Variants in SAFB2 observed in about 807,000 individuals in gnomAD.
SAFB2 encodes scaffold attachment factor B2.
A neutral mutation model predicts 100.6 loss-of-function variants in SAFB2; 32 were observed. The observed-to-expected ratio is 0.32, with a 90% confidence interval of 0.24 to 0.43. The LOEUF is 0.43. Among genes scored for constraint, SAFB2 ranks in the 20% least tolerant of loss-of-function variants. The probability of loss-of-function intolerance (pLI) is 1.00; values close to 1 mark genes in which losing one functional copy is unlikely to be tolerated. For missense variants in SAFB2, 1,185 were observed against 1,163.4 expected, an observed-to-expected ratio of 1.02 and a Z score of -0.27; for synonymous variants, 500 against 439.4, an observed-to-expected ratio of 1.14 and a Z score of -1.72.
At chr19:5,602,479 CAAAAAAAAAAAAAA>C (rs35472223) in intron 11 of SAFB2, among the ~76,000 whole-genome samples, 1 of 39,532 alleles carries the variant, frequency 2.5e-5, no homozygotes, top group Non-Finnish European at 4.4e-5. Context: ...GACTCTGTCT[CAAAAAAAAAAAAAA>C]AAAAAAAAAA....
At chr19:5,620,833 C>A (rs1336688465) in intron 2 of SAFB2, among the ~76,000 whole-genome samples, 1 of 152,166 alleles carries the variant, frequency 6.6e-6, no homozygotes, top group Non-Finnish European at 1.5e-5. Flanking sequence ...GTGAATTAAA[C>A]CTTCACATTC....
intron 5 of SAFB2, among the ~76,000 whole-genome samples, chr19:5,613,001 C>T (rs2052942086): frequency 6.6e-6 from 1 of 152,264 alleles, no homozygotes; most frequent in African/African-American, 2.4e-5. Context: ...CCTTTTCCGA[C>T]ATCTGTCTCA....
intron 2 of SAFB2, 104 bp downstream of exon 2, chr19:5,621,205 G>A (rs187189826): frequency 3.8e-6 from 3 of 779,812 alleles, no homozygotes; most frequent in Admixed American, 3.5e-5. Context: ...GGGACACCGA[G>A]TACCAGAGAA....
chr19:5,604,644 C>T lies in SAFB2; in HGVS notation c.1498G>A (p.Val500Met), dbSNP rs2145339023. The change falls in exon 11 of 21, where the codon GTG becomes ATG. Residue 500 changes from valine to methionine, a missense_variant. By Grantham distance (21) the Val-to-Met change is conservative (BLOSUM62 1). This residue lies in a region of SAFB2 where 740 missense variants were observed against 687.1 expected (regional missense o/e 1.08). Coordinates refer to ENST00000252542, the MANE Select transcript of SAFB2 (RefSeq NM_014649.3). ...ACACTCGATAATTTTTCCTTCTTCA[C>T]TTCGCACTCTTTTCTGTCGGAAAGC... ...KKLSDRKECE[V>M]KKEKLSSVDR... 6.2e-7 allele frequency: 1 copy of T among 1,614,222 alleles called. No homozygotes were observed. The highest frequency in any genetic ancestry group is 8.5e-7 in the Non-Finnish European group (1 of 1,180,034).
At chr19:5,606,236 C>T (rs1479142512) in intron 9 of SAFB2, among the ~76,000 whole-genome samples, 2 of 152,196 alleles carry the variant, frequency 1.3e-5, no homozygotes, top group African/African-American at 4.8e-5. Context: ...GTGTCCAGTA[C>T]CTCAGCTGTG....
rs770776818 is a variant in SAFB2 at position 5,587,292 on chromosome 19, T to G, written c.2813A>C (p.His938Pro). Residue 938 changes from histidine (H) to proline (P), a missense_variant, in exon 21 of 21, where the codon CAC becomes CCC. Around this residue, in one of 3 missense-constraint regions of SAFB2, gnomAD observed 740 missense variants for 687.1 expected, o/e 1.08. Coordinates refer to ENST00000252542, the MANE Select transcript of SAFB2 (RefSeq NM_014649.3). This position sits in a 1 kb window ranked among gnomAD's most constrained non-coding sequence, Gnocchi z 4.9. ...ASQDRGSRVP[H>P]PHPHPPPYPH... ...GTACGGGGGGGGATGAGGGTGTGGG[T>G]GAGGGACTCTGCTGCCCCGGTCCTG... is the stretch of plus-strand genomic sequence containing the variant. 5.0e-6 allele frequency: 8 copies of G among 1,609,344 alleles called. No homozygotes were observed. The East Asian group carries it at 1.8e-4, about 36-fold the overall frequency.
Position 5,617,086 on chromosome 19 carries a change from A to G in SAFB2, c.275-600T>C, listed in dbSNP as rs377291783. The stretch of plus-strand genomic sequence containing the variant: ...AAAAACACTCCAAACCTAAGAAAAA[A>G]AATCACAAAAAAATGAGCAAAGGAT... On this transcript the variant is annotated intron_variant, in intron 2 of 20. Transcript: ENST00000252542. 1.8e-3 allele frequency among the ~76,000 whole-genome samples: 276 copies of G among 152,326 alleles called. 1 individual carries two copies. The highest frequency in any genetic ancestry group is 0.01 in the Middle Eastern group (3 of 294).
chr19:5,603,714 G>T (rs566930044), intron 11 of SAFB2, among the ~76,000 whole-genome samples: 1 of 151,982 alleles, frequency 6.6e-6, no homozygotes, highest in African/African-American at 2.4e-5. Flanking sequence ...TCACAGGGTG[G>T]CACTGTGAAC....
rs2052475669 is a variant in SAFB2 at position 5,593,945 on chromosome 19, TGCTCCTGCTGGCGCCGCA to T, written c.2135_2152del (p.Leu712_Glu717del). ...CCGCCGCTCCTGCTCGTAACGCAGC[TGCTCCTGCTGGCGCCGCA>T]GCTCCTCGCGCTCGCGGTGGATGCG... On this transcript the variant is annotated inframe_deletion, in exon 15 of 21. Coordinates refer to ENST00000252542, the MANE Select transcript of SAFB2 (RefSeq NM_014649.3). 1 of 1,555,816 alleles carries T rather than the reference TGCTCCTGCTGGCGCCGCA, an allele frequency of 6.4e-7. No individual in the cohort carries two copies. The highest frequency in any genetic ancestry group is 1.4e-5 in the African/African-American group (1 of 72,726).
chr19:5,616,643 CTTTTTTTTTTTT>C (rs60033130), intron 2 of SAFB2, among the ~76,000 whole-genome samples, 157 bp from the exon 3 acceptor site: 35 of 72,814 alleles, frequency 4.8e-4, no homozygotes, highest in African/African-American at 1.8e-3. Context: ...AATTTGTTTT[CTTTTTTTTTTTT>C]TTTTTTTTTT....
chr19:5,602,691 C>A (rs1470135577), intron 11 of SAFB2, among the ~76,000 whole-genome samples: 1 of 152,024 alleles, frequency 6.6e-6, no homozygotes, highest in Non-Finnish European at 1.5e-5. Flanking sequence ...CTGCTGCATT[C>A]CCAGTGCTGG....
chr19:5,593,931 G>T lies in SAFB2; in HGVS notation c.2167C>A (p.Gln723Lys). The T allele has an allele frequency of 6.5e-7, 1 of 1,547,894 alleles. No individual in the cohort carries two copies. Among genetic ancestry groups the T allele is most frequent in the Non-Finnish European group, 8.6e-7 (1 of 1,157,552 alleles). The change falls in exon 15 of 21, where the codon CAG (glutamine) becomes AAG (lysine). Residue 723 changes from glutamine to lysine, a missense_variant. Physicochemically the swap from Gln to Lys is moderately conservative, Grantham distance 53 (BLOSUM62 1). Around this residue, in one of 3 missense-constraint regions of SAFB2, gnomAD observed 740 missense variants for 687.1 expected, o/e 1.08. Transcript: ENST00000252542. ...GGCCTCCGCCCGGGCCGCCGCTCCT[G>T]CTCGTAACGCAGCTGCTCCTGCTGG... ...RRQQEQLRYEQERRPGRRPYD... is the reference protein window; with the variant it reads ...RRQQEQLRYEKERRPGRRPYD...
chr19:5,600,665 A>G (rs187503245), intron 11 of SAFB2, among the ~76,000 whole-genome samples: 2 of 152,338 alleles, frequency 1.3e-5, no homozygotes, highest in African/African-American at 4.8e-5. Context: ...TTTCTTCCCA[A>G]TACAGCCTCA....
intron 13 of SAFB2, among the ~76,000 whole-genome samples, chr19:5,597,337 G>A (rs1425574241): frequency 1.3e-5 from 2 of 152,106 alleles, no homozygotes; most frequent in South Asian, 2.1e-4. Context: ...AGATCAAGGC[G>A]AGAGAATCAC....
intron 9 of SAFB2, among the ~76,000 whole-genome samples, chr19:5,608,461 G>T (rs2052825619): frequency 6.6e-6 from 1 of 152,170 alleles, no homozygotes; most frequent in African/African-American, 2.4e-5. Context: ...GTTATTCATG[G>T]CTATAAGAAT....
In SAFB2 at chr19:5,587,726, T is replaced by C. The variant is rs771915355; in HGVS notation, c.2680A>G (p.Met894Val). 11 of 1,552,144 alleles carry C rather than the reference T, an allele frequency of 7.1e-6. No homozygotes were observed. The East Asian group carries it at 1.7e-4, about 24-fold the overall frequency. ...CCCGCCACTCCACCGCGGCTTGCCA[T>C]GTGCCCCGGCCCCGAGGGCCCAGAC... The part of the protein sequence containing the change: ...GLSGPSGPGH[M>V]ASRGGVAGRG... The change falls in exon 20 of 21, where the codon ATG becomes GTG. Residue 894 changes from methionine (M) to valine (V), a missense_variant. Transcript: ENST00000252542. This position sits in a 1 kb window ranked among gnomAD's most constrained non-coding sequence, Gnocchi z 4.9.
At position 5,587,279 on chromosome 19, in the gene SAFB2, ATGAGGGTGTGGG is replaced by A. The variant is rs1404473351; in HGVS notation, c.2814_2825del (p.His940_Pro943del). 1.9e-6 allele frequency: 3 copies of A among 1,587,816 alleles called. No homozygotes were observed. Among genetic ancestry groups the A allele is most frequent in the Non-Finnish European group, 2.6e-6 (3 of 1,168,650 alleles). ...GGGTGAAGTGGGGGTACGGGGGGGGATGAGGGTGTGGGTGAGGGACTCTGCTGCCCCGGTCCT... is the reference window on the plus strand; with the variant it reads ...GGGTGAAGTGGGGGTACGGGGGGGGATGAGGGACTCTGCTGCCCCGGTCCT... On this transcript the variant is annotated inframe_deletion, in exon 21 of 21. Transcript: ENST00000252542. This position sits in a 1 kb window ranked among gnomAD's most constrained non-coding sequence, Gnocchi z 4.9.
At chr19:5,618,701 G>C (rs867538065) in intron 2 of SAFB2, among the ~76,000 whole-genome samples, 3 of 152,194 alleles carry the variant, frequency 2.0e-5, no homozygotes, top group African/African-American at 4.8e-5. Context: ...ATAGTAGCCT[G>C]CAGTGCCCAC....
chr19:5,593,300 T>C lies in SAFB2; in HGVS notation c.2208-413A>G, dbSNP rs375336498. On this transcript the variant is annotated intron_variant, in intron 15 of 20. Transcript: ENST00000252542. Reference sequence around the variant, plus strand: ...AGTTTCTTGCAAAAGCAAAGAGAATTAGATGGGGTGATAGTGAACTACACA... The same window carrying C: ...AGTTTCTTGCAAAAGCAAAGAGAATCAGATGGGGTGATAGTGAACTACACA... Among the ~76,000 whole-genome samples, 5 of 152,296 alleles carry C rather than the reference T, an allele frequency of 3.3e-5. No individual in the cohort carries two copies. The East Asian group carries it at 5.8e-4, about 18-fold the overall frequency.
Sources: allele counts gnomAD v4.1 joint callset (sites outside exome capture counted in the v4.1 genomes callset), GRCh38; gene constraint gnomAD v4.1.1; regional missense constraint gnomAD v4.1.1; non-coding constraint Gnocchi (gnomAD v3.1); transcripts MANE v1.5; gene names NCBI Gene and HGNC (gene_info 2026-07-23, HGNC 2026-07-21).